Variants in AIM2 observed in about 807,000 individuals in gnomAD.
AIM2 encodes the protein interferon-inducible protein AIM2.
A neutral mutation model predicts 27.7 loss-of-function variants in AIM2; 30 were observed. The ratio of observed to expected loss-of-function variants is 1.08; its 90% CI spans 0.81 to 1.47. The LOEUF is 1.47. Among genes scored for constraint, AIM2 ranks in the 40% most tolerant of loss-of-function variants. The pLI is 0.00. For missense variants in AIM2, 358 were observed against 411.3 expected (o/e 0.87, Z 1.12); for synonymous variants, 141 against 145.3 (o/e 0.97, Z 0.21).
chr1:159,089,831 T>A (rs1440631019), intron 1 of AIM2, among the ~76,000 whole-genome samples: 2 of 152,216 alleles, frequency 1.3e-5, no homozygotes, highest in Non-Finnish European at 2.9e-5. Context: ...CTACCTATTC[T>A]ATCGGTTTTT....
chr1:159,146,580 C>A (rs1416833420), intron 1 of AIM2, among the ~76,000 whole-genome samples: 1 of 152,160 alleles, frequency 6.6e-6, no homozygotes, highest in Non-Finnish European at 1.5e-5. Flanking sequence ...TTCCCTAATA[C>A]TTTACTGTGT....
At chr1:159,089,278 C>T (rs1022281799) in intron 1 of AIM2, among the ~76,000 whole-genome samples, 1 of 152,134 alleles carries the variant, frequency 6.6e-6, no homozygotes, top group Non-Finnish European at 1.5e-5. Flanking sequence ...AGAGGCTTAG[C>T]GGTGTTTGTG....
At chr1:159,102,007 G>A (rs757047415) in intron 1 of AIM2, among the ~76,000 whole-genome samples, 10 of 152,144 alleles carry the variant, frequency 6.6e-5, no homozygotes, top group Non-Finnish European at 1.3e-4. Context: ...ATGTCTCCAG[G>A]GCATGTCAGA....
intron 1 of AIM2, among the ~76,000 whole-genome samples, chr1:159,117,098 C>A (rs1339040654): frequency 1.3e-5 from 2 of 152,032 alleles, no homozygotes; most frequent in African/African-American, 2.4e-5. Flanking sequence ...CTTGTATGGA[C>A]TGTAGTTAGC....
At chr1:159,070,226 C>T (rs1353524552) in intron 2 of AIM2, among the ~76,000 whole-genome samples, 1 of 152,100 alleles carries the variant, frequency 6.6e-6, no homozygotes. Flanking sequence ...ATCTACTTTC[C>T]CTTTAGAGTA....
At chr1:159,109,908 T>C (rs1657529168) in intron 1 of AIM2, among the ~76,000 whole-genome samples, 1 of 151,996 alleles carries the variant, frequency 6.6e-6, no homozygotes, top group Non-Finnish European at 1.5e-5. Flanking sequence ...AAAAAAATAG[T>C]AGATGTTGGC....
chr1:159,102,548 C>A (rs543473881), intron 1 of AIM2, among the ~76,000 whole-genome samples: 12 of 152,236 alleles, frequency 7.9e-5, no homozygotes, highest in Non-Finnish European at 1.5e-4. Flanking sequence ...CAACACCAAC[C>A]CGTGAAAGCA....
At chr1:159,095,853 T>A (rs1317866972) in intron 1 of AIM2, among the ~76,000 whole-genome samples, 1 of 152,186 alleles carries the variant, frequency 6.6e-6, no homozygotes, top group Non-Finnish European at 1.5e-5. Context: ...TGCTTTATAC[T>A]GGTGACTATG....
chr1:159,084,812 C>CACACACAT (rs1215528807), intron 1 of AIM2, among the ~76,000 whole-genome samples: 2 of 143,546 alleles, frequency 1.4e-5, no homozygotes, highest in African/African-American at 5.6e-5. Context: ...CACACACACA[C>CACACACAT]ACATACAGAC....
intron 1 of AIM2, among the ~76,000 whole-genome samples, chr1:159,107,307 T>A (rs1348373124): frequency 1.4e-5 from 2 of 141,524 alleles, no homozygotes; most frequent in African/African-American, 5.4e-5. Context: ...CATGTGTGTA[T>A]GTGTGTGTGT....
intron 1 of AIM2, among the ~76,000 whole-genome samples, chr1:159,093,373 T>A (rs1657091958): frequency 6.6e-6 from 1 of 152,208 alleles, no homozygotes; most frequent in Admixed American, 6.5e-5. Context: ...GATTTAATAT[T>A]TCTTACAGAT....
chr1:159,077,318 C>T (rs561382419), upstream of AIM2, among the ~76,000 whole-genome samples: 9 of 152,240 alleles, frequency 5.9e-5, no homozygotes, highest in East Asian at 1.9e-4. Context: ...GGGAAATGGG[C>T]GGGCAATTCC....
intron 1 of AIM2, among the ~76,000 whole-genome samples, chr1:159,118,281 A>G (rs866507711): frequency 6.6e-6 from 1 of 152,204 alleles, no homozygotes; most frequent in African/African-American, 2.4e-5. Flanking sequence ...TCCCCTTGAC[A>G]TGGGCATGTT....
chr1:159,115,417 T>C (rs189523023), intron 1 of AIM2, among the ~76,000 whole-genome samples: 60 of 152,282 alleles, frequency 3.9e-4, no homozygotes, highest in Non-Finnish European at 7.8e-4. Context: ...GGCATCACGC[T>C]ACCTGACTTC....
chr1:159,126,101 G>A (rs1312245826), intron 1 of AIM2, among the ~76,000 whole-genome samples: 1 of 152,166 alleles, frequency 6.6e-6, no homozygotes, highest in Non-Finnish European at 1.5e-5. Context: ...CCTCTAACTT[G>A]AATCTCTTGT....
At chr1:159,078,071 C>G (rs1211817889), upstream of AIM2, among the ~76,000 whole-genome samples, 2 of 152,230 alleles carry the variant, frequency 1.3e-5, no homozygotes, top group African/African-American at 4.8e-5. Flanking sequence ...TCACTTTCTA[C>G]TGCAAGGCTT....
chr1:159,059,643 G>A (rs577509996), downstream of AIM2, among the ~76,000 whole-genome samples: 2 of 152,246 alleles, frequency 1.3e-5, no homozygotes, highest in Admixed American at 1.3e-4. Flanking sequence ...CTATTCTTGA[G>A]TACCCTGGAT....
At chr1:159,074,464 C>A (rs762015978) in intron 1 of AIM2, among the ~76,000 whole-genome samples, 24 of 150,108 alleles carry the variant, frequency 1.6e-4, no homozygotes, top group Non-Finnish European at 2.4e-4. Context: ...TTTTTTTTAC[C>A]TTTGCAAAAA....
intron 1 of AIM2, among the ~76,000 whole-genome samples, chr1:159,105,541 G>A (rs1009936468): frequency 1.3e-5 from 2 of 152,148 alleles, no homozygotes; most frequent in African/African-American, 4.8e-5. Flanking sequence ...AGGTAGAGAG[G>A]AGCTTTATTG....
Sources: allele counts gnomAD v4.1 joint callset (sites outside exome capture counted in the v4.1 genomes callset), GRCh38; gene constraint gnomAD v4.1.1; transcripts MANE v1.5; gene names NCBI Gene and HGNC (gene_info 2026-07-23, HGNC 2026-07-21).